PRKD3: variants seen among roughly 807,000 people sequenced by gnomAD.
PRKD3 encodes the protein serine/threonine-protein kinase D3.
Under a neutral mutation model 99.2 loss-of-function variants are expected in PRKD3, and 47 were observed. The ratio of observed to expected loss-of-function variants is 0.47; its 90% CI spans 0.38 to 0.60. PRKD3 has a LOEUF of 0.60. Among genes scored for constraint, PRKD3 ranks in the 20% least tolerant of loss-of-function variants. The probability of loss-of-function intolerance (pLI) is 0.00; values close to 1 mark genes in which losing one functional copy is unlikely to be tolerated. For missense variants in PRKD3, 1,019 were observed against 1,088.4 expected, an observed-to-expected ratio of 0.94 and a Z score of 0.90; for synonymous variants, 392 against 355.4, an observed-to-expected ratio of 1.10 and a Z score of -1.16.
chr2:37,269,466 G>A (rs762794079), intron 13 of PRKD3, 149 bp downstream of exon 13: 6 of 653,450 alleles, frequency 9.2e-6, no homozygotes, highest in African/African-American at 5.5e-5. Context: ...AAATTACAGT[G>A]AGAAGGATTT....
Position 37,253,400 on chromosome 2 carries a change from T to C in PRKD3, c.2500-50A>G, listed in dbSNP as rs1667669974. The C allele has an allele frequency of 2.7e-6, 4 of 1,493,586 alleles. No individual in the cohort carries two copies. The East Asian group carries it at 9.2e-5, about 34-fold the overall frequency. 92.5% of individuals were successfully genotyped at this position (1,493,586 alleles called of 1,614,324 possible). On this transcript the variant is annotated intron_variant, in intron 18 of 18. Transcript: ENST00000234179. ...ATGAAACAAAAGAAACAAAATACTG[T>C]CAACCTGGTTTTTGTTTTGTGTTTT...
chr2:37,275,978 T>G lies in PRKD3; in HGVS notation c.1297-134A>C, dbSNP rs1033689541. ...CTTTAAGATTCATGAGGTTCAAAATTCTCAAGATATAAAAAGGATGTATGG... is the reference window on the plus strand; with the variant it reads ...CTTTAAGATTCATGAGGTTCAAAATGCTCAAGATATAAAAAGGATGTATGG... On this transcript the variant is annotated intron_variant, in intron 9 of 18. Transcript: ENST00000234179. 4 of 1,228,358 alleles carry G rather than the reference T, an allele frequency of 3.3e-6. No homozygotes were observed. The Admixed American group carries it at 1.4e-4, about 42-fold the overall frequency. 76.1% of individuals were successfully genotyped at this position (1,228,358 alleles called of 1,614,324 possible).
chr2:37,288,909 C>T (rs1670247796), intron 5 of PRKD3, among the ~76,000 whole-genome samples: 1 of 152,008 alleles, frequency 6.6e-6, no homozygotes, highest in Non-Finnish European at 1.5e-5. Context: ...CAAAAATCAG[C>T]TGGGTGTAGT....
At chr2:37,256,425 A>T (rs555850517) in intron 17 of PRKD3, among the ~76,000 whole-genome samples, 1 of 152,320 alleles carries the variant, frequency 6.6e-6, no homozygotes, top group African/African-American at 2.4e-5. Context: ...TGGTTTGACA[A>T]TGAGGCCACT....
chr2:37,268,330 A>G, intron 13 of PRKD3: 1 of 471,152 alleles, frequency 2.1e-6, no homozygotes, highest in South Asian at 1.5e-5. Flanking sequence ...CTCTGATGAC[A>G]GGAAGTCCTC....
intron 2 of PRKD3, among the ~76,000 whole-genome samples, chr2:37,301,051 C>T (rs1670902631): frequency 6.6e-6 from 1 of 152,052 alleles, no homozygotes; most frequent in African/African-American, 2.4e-5. Context: ...GAACATTTTT[C>T]ACATGCTTAA....
intron 17 of PRKD3, among the ~76,000 whole-genome samples, chr2:37,255,303 CT>C (rs1667844604): frequency 9.7e-6 from 1 of 103,176 alleles, no homozygotes; most frequent in Non-Finnish European, 2.0e-5. Context: ...AGGCCTAGTA[CT>C]TTTGGAAAAA....
chr2:37,267,404 AC>A, intron 14 of PRKD3, 25 bp downstream of exon 14: 1 of 1,464,064 alleles, frequency 6.8e-7, no homozygotes, highest in Middle Eastern at 2.2e-4. Flanking sequence ...TCTTTAATAA[AC>A]CAGTTTTTTA....
chr2:37,279,125 CTT>C (rs960651323), intron 8 of PRKD3: 5 of 152,214 alleles, frequency 3.3e-5, no homozygotes, highest in East Asian at 3.9e-4. Context: ...TTAAGTAACT[CTT>C]TGTTTCCAAT....
chr2:37,263,586 C>T (rs1668625836), intron 14 of PRKD3, among the ~76,000 whole-genome samples: 1 of 152,136 alleles, frequency 6.6e-6, no homozygotes, highest in South Asian at 2.1e-4. Flanking sequence ...GTATGATTTT[C>T]ACTCTTCCAC....
intron 2 of PRKD3, among the ~76,000 whole-genome samples, chr2:37,295,927 A>G (rs1670654891): frequency 6.6e-6 from 1 of 152,228 alleles, no homozygotes; most frequent in Admixed American, 6.5e-5. Context: ...ATCAGTCAGA[A>G]AAGTATCAGA....
At chr2:37,272,985 G>T (rs935608972) in intron 11 of PRKD3, among the ~76,000 whole-genome samples, 14 of 151,804 alleles carry the variant, frequency 9.2e-5, no homozygotes, top group Non-Finnish European at 1.8e-4. Context: ...GTCTCTTGGT[G>T]GGGGGAGGGG....
intron 2 of PRKD3, among the ~76,000 whole-genome samples, chr2:37,298,289 C>A (rs1389442315): frequency 6.6e-6 from 1 of 152,094 alleles, no homozygotes; most frequent in Non-Finnish European, 1.5e-5. Context: ...ATTTTACATA[C>A]CAAATACACA....
intron 14 of PRKD3, among the ~76,000 whole-genome samples, chr2:37,264,269 T>G (rs563233492): frequency 8.2e-4 from 125 of 152,194 alleles, no homozygotes; most frequent in Non-Finnish European, 1.6e-3. Flanking sequence ...TTTTTCAATC[T>G]AACAATGTAT....
In PRKD3 at chr2:37,279,350, G is replaced by T. The variant is rs114497625; in HGVS notation, c.1172+396C>A. The stretch of plus-strand genomic sequence containing the variant: ...CATTATCCTTGTGCAACATCTTCAT[G>T]AGTATATTCTTTATTGCCATTTCTA... On this transcript the variant is annotated intron_variant, in intron 8 of 18. Coordinates refer to ENST00000234179, the MANE Select transcript of PRKD3 (RefSeq NM_005813.6). The T allele has an allele frequency of 7.4e-3, 1,139 of 154,368 alleles. 19 individuals are homozygous for T. Among genetic ancestry groups the T allele is most frequent in the East Asian group, 0.055 (286 of 5,238 alleles). 9.6% of individuals were successfully genotyped at this position (154,368 alleles called of 1,614,324 possible).
chr2:37,288,643 GA>G (rs370782489), intron 5 of PRKD3, among the ~76,000 whole-genome samples: 5 of 151,746 alleles, frequency 3.3e-5, no homozygotes, highest in Middle Eastern at 6.8e-3. Flanking sequence ...ACTGTATTAG[GA>G]AAAAAAATCA....
intron 7 of PRKD3, among the ~76,000 whole-genome samples, chr2:37,280,955 G>C (rs1280839117): frequency 6.6e-6 from 1 of 152,108 alleles, no homozygotes; most frequent in Non-Finnish European, 1.5e-5. Context: ...GATCTGAATA[G>C]GTGCTTTTTT....
In PRKD3 at chr2:37,287,253, AAAAAAAAAAAAAAAGAAAAAG is replaced by A. The variant is rs1372822564; in HGVS notation, c.718-905_718-885del. Among the ~76,000 whole-genome samples, 57 of 144,456 alleles carry A rather than the reference AAAAAAAAAAAAAAAGAAAAAG, an allele frequency of 3.9e-4. 2 individuals carry two copies. Among genetic ancestry groups the A allele is most frequent in the African/African-American group, 1.3e-3 (51 of 38,072 alleles). The allele number at this position is 144,456 out of a possible 152,430, so 94.8% of individuals were successfully genotyped here. On this transcript the variant is annotated intron_variant, in intron 5 of 18. Transcript: ENST00000234179. ...CTCAAAAAAAAAAAAAAAAAAAAAA[AAAAAAAAAAAAAAAGAAAAAG>A]AAAAAGAAAAAGAAAAATACCTGCC...
chr2:37,324,269 G>A (rs1046379160), intron 1 of PRKD3: 2 of 981,680 alleles, frequency 2.0e-6, no homozygotes, highest in Non-Finnish European at 2.4e-6. Flanking sequence ...GGCACTGCGA[G>A]CGCCGCGGGT....
Sources: allele counts gnomAD v4.1 joint callset (sites outside exome capture counted in the v4.1 genomes callset), GRCh38; gene constraint gnomAD v4.1.1; transcripts MANE v1.5; gene names NCBI Gene and HGNC (gene_info 2026-07-23, HGNC 2026-07-21).